The following AHCYL2 variants were observed in gnomAD, a reference collection of about 807,000 sequenced individuals.
AHCYL2 encodes the protein adenosylhomocysteinase like 2, also known as S-adenosylhomocysteine hydrolase-like protein 2.
In AHCYL2, 28 loss-of-function variants were observed where a neutral mutation model predicts 81.4. The ratio of observed to expected loss-of-function variants is 0.34; its 90% CI spans 0.25 to 0.47. AHCYL2 has a LOEUF of 0.47. Ranked by LOEUF, AHCYL2 falls within the 20% of genes least tolerant of loss-of-function variation. AHCYL2 has a pLI of 1.00. For synonymous variants in AHCYL2, 272 were observed against 290.2 expected (o/e 0.94, Z 0.64); for missense variants, 551 against 785.1 (o/e 0.70, Z 3.56).
At chr7:129,312,146 G>A (rs559287876) in intron 1 of AHCYL2, among the ~76,000 whole-genome samples, 10 of 152,188 alleles carry the variant, frequency 6.6e-5, no homozygotes, top group South Asian at 4.1e-4. Flanking sequence ...GTGCAGTGGC[G>A]TGATCACGGC....
Position 129,408,085 on chromosome 7 carries a change from T to C in AHCYL2, c.1296-1391T>C, listed in dbSNP as rs148198414. ...TAAGGTAGGAGTCATGGGAGTCATA[T>C]GTCAATATAATCACATATCACTGTA... On this transcript the variant is annotated intron_variant, in intron 10 of 16. Coordinates refer to ENST00000325006, the MANE Select transcript of AHCYL2 (RefSeq NM_015328.4). Among the ~76,000 whole-genome samples the C allele has an allele frequency of 5.3e-3, 801 of 152,292 alleles. 8 individuals carry two copies. The highest frequency in any genetic ancestry group is 0.019 in the African/African-American group (772 of 41,566).
At chr7:129,390,791 A>G (rs1345236328) in intron 4 of AHCYL2, among the ~76,000 whole-genome samples, 12 of 152,206 alleles carry the variant, frequency 7.9e-5, no homozygotes, top group Admixed American at 7.9e-4. Context: ...TGGATCATGT[A>G]TCTGTGCTCC....
At chr7:129,358,609 T>G (rs1008271721) in intron 1 of AHCYL2, among the ~76,000 whole-genome samples, 1 of 152,104 alleles carries the variant, frequency 6.6e-6, no homozygotes, top group African/African-American at 2.4e-5. Context: ...AATGAGGAAT[T>G]GTTGTTTAAT....
rs13228930 is a variant in AHCYL2 at position 129,225,225 on chromosome 7, C to G, written c.149C>G (p.Pro50Arg). The change falls in exon 1 of 17, where the codon CCT (proline) becomes CGT (arginine). Residue 50 changes from proline (P) to arginine (R), a missense_variant. By Grantham distance (103) the Pro-to-Arg change is moderately radical. This residue lies in a region of AHCYL2 where 235 missense variants were observed against 242.1 expected (regional missense o/e 0.97). Transcript: ENST00000325006. ...AMAPPAGGGD[P>R]EAPAPAAERP... ...GCCCCCCCGGCGGGCGGTGGAGACC[C>G]TGAGGCTCCAGCTCCCGCCGCGGAG... 5.3e-6 allele frequency: 8 copies of G among 1,504,526 alleles called. No homozygotes were observed. The highest frequency in any genetic ancestry group is 1.5e-5 in the African/African-American group (1 of 68,900). 93.2% of individuals were successfully genotyped at this position (1,504,526 alleles called of 1,614,324 possible).
At chr7:129,299,271 C>A (rs1797161671) in intron 1 of AHCYL2, among the ~76,000 whole-genome samples, 1 of 125,982 alleles carries the variant, frequency 7.9e-6, no homozygotes, top group Non-Finnish European at 1.8e-5. Flanking sequence ...AGCAAGTCCC[C>A]TCCTCTACCA....
intron 1 of AHCYL2, among the ~76,000 whole-genome samples, chr7:129,257,285 T>A (rs1477461672): frequency 6.6e-6 from 1 of 152,226 alleles, no homozygotes; most frequent in Non-Finnish European, 1.5e-5. Flanking sequence ...TGCTGTTTGA[T>A]TTTGTTTTAG....
chr7:129,253,562 A>G (rs1247180670), intron 1 of AHCYL2, among the ~76,000 whole-genome samples: 3 of 152,232 alleles, frequency 2.0e-5, no homozygotes, highest in Non-Finnish European at 4.4e-5. Context: ...ACAGCACCTC[A>G]GTTTCTCTGT....
intron 1 of AHCYL2, among the ~76,000 whole-genome samples, chr7:129,272,679 T>G (rs975216397): frequency 2.0e-5 from 3 of 152,188 alleles, no homozygotes; most frequent in African/African-American, 7.2e-5. Context: ...AAAATGTATC[T>G]AATGACTTCA....
chr7:129,362,647 G>A (rs1443970250), intron 1 of AHCYL2, among the ~76,000 whole-genome samples: 1 of 133,594 alleles, frequency 7.5e-6, no homozygotes, highest in Non-Finnish European at 1.6e-5. Context: ...AATCTAGATG[G>A]ATTGGAAATA....
chr7:129,365,258 TGAAAAA>T (rs1373193959), intron 1 of AHCYL2, among the ~76,000 whole-genome samples: 1 of 152,114 alleles, frequency 6.6e-6, no homozygotes, highest in Non-Finnish European at 1.5e-5. Context: ...TTTAAATATT[TGAAAAA>T]GTGAAGATAA....
At chr7:129,390,636 T>C (rs1339615009) in intron 4 of AHCYL2, among the ~76,000 whole-genome samples, 2 of 152,222 alleles carry the variant, frequency 1.3e-5, no homozygotes, top group African/African-American at 4.8e-5. Flanking sequence ...CTCCTCAGTA[T>C]GCTTACTTCA....
rs11414828 is a variant in AHCYL2 at position 129,420,477 on chromosome 7, C to CTTT, written c.1462-2346_1462-2344dup. On this transcript the variant is annotated intron_variant, in intron 12 of 16. Transcript: ENST00000325006. The stretch of plus-strand genomic sequence containing the variant: ...TCAAAATGGTCTGTTTGCTTAAATT[C>CTTT]TTTTTTTTTTTTTTTTTTTGAGACA... 3.6e-4 allele frequency among the ~76,000 whole-genome samples: 46 copies of CTTT among 126,814 alleles called. 1 individual carries two copies. Among genetic ancestry groups the CTTT allele is most frequent in the African/African-American group, 7.5e-4 (26 of 34,592 alleles). 83.2% of individuals were successfully genotyped at this position (126,814 alleles called of 152,430 possible).
rs114683597 is a variant in AHCYL2, at chr7:129,379,300, T to A, written c.364-338T>A. ...ATCTCAAAAAAAAAAAAAAAAAGTGTATCAAAGATTTAAATTTGATTAGAA... is the reference window on the plus strand; with the variant it reads ...ATCTCAAAAAAAAAAAAAAAAAGTGAATCAAAGATTTAAATTTGATTAGAA... On this transcript the variant is annotated intron_variant, in intron 1 of 16. Transcript: ENST00000325006. 6.4e-3 allele frequency among the ~76,000 whole-genome samples: 962 copies of A among 149,836 alleles called. 9 individuals carry two copies. The highest frequency in any genetic ancestry group is 0.023 in the African/African-American group (921 of 40,780).
intron 1 of AHCYL2, among the ~76,000 whole-genome samples, chr7:129,247,444 C>T (rs1795100702): frequency 6.6e-6 from 1 of 152,126 alleles, no homozygotes; most frequent in Non-Finnish European, 1.5e-5. Flanking sequence ...ATTCTTTATA[C>T]AGCATGTTCT....
At chr7:129,258,892 G>T (rs1451670748) in intron 1 of AHCYL2, among the ~76,000 whole-genome samples, 1 of 152,184 alleles carries the variant, frequency 6.6e-6, no homozygotes, top group African/African-American at 2.4e-5. Context: ...TGGGCAGGAA[G>T]TTGAGAGCGT....
At chr7:129,405,804 T>C in intron 8 of AHCYL2, 32 bp from the exon 9 acceptor site, 3 of 1,586,434 alleles carry the variant, frequency 1.9e-6, no homozygotes, top group Non-Finnish European at 2.6e-6. Context: ...CAAGAGAAGA[T>C]TTTTCTGATT....
At chr7:129,334,307 T>A (rs1000537625) in intron 1 of AHCYL2, among the ~76,000 whole-genome samples, 2 of 152,136 alleles carry the variant, frequency 1.3e-5, no homozygotes, top group African/African-American at 2.4e-5. Context: ...CTTCATGCAG[T>A]CCTCTCTATT....
intron 1 of AHCYL2, among the ~76,000 whole-genome samples, chr7:129,339,311 C>G (rs905210835): frequency 2.0e-5 from 3 of 152,150 alleles, no homozygotes; most frequent in Admixed American, 2.0e-4. Flanking sequence ...TAATATCTCT[C>G]AAACCTAAAA....
intron 1 of AHCYL2, among the ~76,000 whole-genome samples, chr7:129,332,814 G>C (rs1252868008): frequency 6.6e-6 from 1 of 152,210 alleles, no homozygotes; most frequent in African/African-American, 2.4e-5. Context: ...TCCTTCCCTA[G>C]AGGAAGGGAA....
Sources: allele counts gnomAD v4.1 joint callset (sites outside exome capture counted in the v4.1 genomes callset), GRCh38; gene constraint gnomAD v4.1.1; regional missense constraint gnomAD v4.1.1; transcripts MANE v1.5; gene names NCBI Gene and HGNC (gene_info 2026-07-23, HGNC 2026-07-21).